Variants in SOX6 observed in about 807,000 individuals in gnomAD.
SOX6 encodes transcription factor SOX-6.
SOX6 carries 11 observed loss-of-function variants against 97.8 expected under a neutral mutation model. That is an observed-to-expected ratio of 0.11 (90% CI 0.07 to 0.19). The LOEUF is 0.19. SOX6 is among the 10% of genes least tolerant of loss of function. SOX6 has a pLI of 1.00. For missense variants in SOX6, 810 were observed against 1,039.5 expected, an observed-to-expected ratio of 0.78 and a Z score of 3.04; for synonymous variants, 360 against 371.4, an observed-to-expected ratio of 0.97 and a Z score of 0.35.
intron 1 of SOX6, among the ~76,000 whole-genome samples, chr11:16,474,665 G>C (rs183638079): frequency 1.1e-4 from 17 of 152,090 alleles, no homozygotes; most frequent in Admixed American, 9.8e-4. Flanking sequence ...TGTCACTCAG[G>C]CTTCCTTATT....
chr11:16,288,594 C>G (rs1169591395), intron 3 of SOX6, among the ~76,000 whole-genome samples: 1 of 151,778 alleles, frequency 6.6e-6, no homozygotes, highest in Non-Finnish European at 1.5e-5. Context: ...ATTTTAGAGC[C>G]CAGTCATTCA....
intron 6 of SOX6, among the ~76,000 whole-genome samples, chr11:16,139,327 T>C (rs954620189): frequency 6.6e-6 from 1 of 152,224 alleles, no homozygotes; most frequent in African/African-American, 2.4e-5. Context: ...GAATTCATTA[T>C]TACTATGATG....
chr11:16,232,648 T>C (rs1445570602), intron 4 of SOX6, among the ~76,000 whole-genome samples: 1 of 152,114 alleles, frequency 6.6e-6, no homozygotes, highest in Non-Finnish European at 1.5e-5. Flanking sequence ...TGTTGAATTA[T>C]AACATAATAA....
intron 1 of SOX6, among the ~76,000 whole-genome samples, chr11:16,377,180 A>G (rs1857665957): frequency 6.6e-6 from 1 of 152,096 alleles, no homozygotes; most frequent in Non-Finnish European, 1.5e-5. Context: ...TATATACTGC[A>G]TCAAGAGAAG....
intron 4 of SOX6, among the ~76,000 whole-genome samples, chr11:16,526,035 G>C (rs980828999): frequency 1.3e-5 from 2 of 152,100 alleles, no homozygotes; most frequent in African/African-American, 4.8e-5. Context: ...CACTGTTGGT[G>C]GGACTGTAAA....
intron 2 of SOX6, among the ~76,000 whole-genome samples, chr11:16,330,701 T>G (rs1303107754): frequency 1.3e-5 from 2 of 152,188 alleles, no homozygotes; most frequent in African/African-American, 4.8e-5. Context: ...GTAAGCTAAG[T>G]CAAATTGGCT....
chr11:16,075,768 A>G (rs1848338621), intron 9 of SOX6, among the ~76,000 whole-genome samples: 1 of 152,190 alleles, frequency 6.6e-6, no homozygotes, highest in Admixed American at 6.5e-5. Flanking sequence ...ACAAACCTGC[A>G]TGTTGTACAC....
intron 6 of SOX6, among the ~76,000 whole-genome samples, chr11:16,116,116 C>T (rs1040422846): frequency 6.6e-6 from 1 of 152,070 alleles, no homozygotes; most frequent in African/African-American, 2.4e-5. Context: ...TATCCAGTAG[C>T]TAGTTAGACT....
chr11:16,187,942 G>A (rs1851527058), intron 4 of SOX6, among the ~76,000 whole-genome samples: 1 of 152,134 alleles, frequency 6.6e-6, no homozygotes, highest in South Asian at 2.1e-4. Flanking sequence ...AATGCCACCA[G>A]CTGTCAAAGG....
At chr11:16,163,582 T>G (rs1850810773) in intron 6 of SOX6, among the ~76,000 whole-genome samples, 1 of 152,222 alleles carries the variant, frequency 6.6e-6, no homozygotes, top group African/African-American at 2.4e-5. Context: ...AAACAAACTC[T>G]TCCCACACAT....
chr11:16,612,631 C>T (rs1284566108), intron 3 of SOX6, among the ~76,000 whole-genome samples: 2 of 152,040 alleles, frequency 1.3e-5, no homozygotes, highest in African/African-American at 4.8e-5. Context: ...GAGAAAAAGC[C>T]TGGAGTATAC....
Position 16,617,278 on chromosome 11 carries a change from ATGTT to A in SOX6, n.430-5022_430-5019del, listed in dbSNP as rs543171227. On this transcript the variant is annotated intron_variant and non_coding_transcript_variant, in intron 3 of 5. Coordinates refer to the SOX6 transcript ENST00000524520. ...ACAATGATCATCCTCATGTTCATTC[ATGTT>A]TGTTTAAGATAATAACAAATGAAAA... Among the ~76,000 whole-genome samples the A allele has an allele frequency of 5.1e-3, 769 of 151,976 alleles. 4 individuals carry two copies. The highest frequency in any genetic ancestry group is 0.015 in the South Asian group (70 of 4,824).
upstream of SOX6, among the ~76,000 whole-genome samples, chr11:16,359,398 G>A (rs915623324): frequency 6.6e-6 from 1 of 152,010 alleles, no homozygotes; most frequent in Non-Finnish European, 1.5e-5. Flanking sequence ...AATAGTTTGG[G>A]TTTTATCCTC....
chr11:16,117,808 C>T (rs1247002214), intron 6 of SOX6, among the ~76,000 whole-genome samples: 1 of 152,130 alleles, frequency 6.6e-6, no homozygotes, highest in Non-Finnish European at 1.5e-5. Context: ...TCCCGTTTTC[C>T]CATTTGGTGA....
chr11:16,232,123 T>C (rs1852872116), intron 4 of SOX6, among the ~76,000 whole-genome samples: 1 of 151,898 alleles, frequency 6.6e-6, no homozygotes, highest in South Asian at 2.1e-4. Flanking sequence ...CATGATTGTA[T>C]GTATTCCTCA....
Position 16,548,332 on chromosome 11 carries a change from A to G in SOX6, n.609+63749T>C, listed in dbSNP as rs377560647. Among the ~76,000 whole-genome samples, 8 of 152,196 alleles carry G rather than the reference A, an allele frequency of 5.3e-5. 1 individual carries two copies. The highest frequency in any genetic ancestry group is 4.6e-4 in the Admixed American group (7 of 15,268). ...CAATGTAGATTTATCAAAAGAATGA[A>G]GAGTGTTAGAAATGGTAACTATAAG... is the stretch of plus-strand genomic sequence containing the variant. On this transcript the variant is annotated intron_variant and non_coding_transcript_variant, in intron 4 of 5. Transcript: ENST00000524520.
At chr11:16,447,483 C>A (rs1859635613) in intron 1 of SOX6, among the ~76,000 whole-genome samples, 1 of 149,826 alleles carries the variant, frequency 6.7e-6, no homozygotes, top group Non-Finnish European at 1.5e-5. Context: ...TTGTCTCTCT[C>A]TCTCTCTGTT....
At chr11:16,037,757 T>G (rs1331929810) in intron 12 of SOX6, among the ~76,000 whole-genome samples, 1 of 152,202 alleles carries the variant, frequency 6.6e-6, no homozygotes, top group East Asian at 1.9e-4. Context: ...TCTCGCCCAT[T>G]CTTTATTTAA....
intron 4 of SOX6, among the ~76,000 whole-genome samples, chr11:16,490,956 C>A (rs1016634399): frequency 6.6e-6 from 1 of 152,104 alleles, no homozygotes; most frequent in South Asian, 2.1e-4. Flanking sequence ...AAAATGTCAA[C>A]AGCATTTTCT....
Sources: gnomAD v4.1 joint callset for allele counts (sites outside exome capture counted in the v4.1 genomes callset) on GRCh38, gnomAD v4.1.1 for gene constraint, MANE v1.5 for transcripts, NCBI Gene and HGNC (gene_info 2026-07-23, HGNC 2026-07-21) for gene names.